Variants in GALNTL6 observed in about 807,000 individuals in gnomAD.
The protein encoded by GALNTL6 is polypeptide N-acetylgalactosaminyltransferase like 6, also known as polypeptide N-acetylgalactosaminyltransferase-like 6.
Under a neutral mutation model 73.7 loss-of-function variants are expected in GALNTL6, and 46 were observed. The observed-to-expected ratio is 0.62, with a 90% CI of 0.49 to 0.80. GALNTL6 has a LOEUF of 0.80. GALNTL6 is among the 30% of genes least tolerant of loss of function. GALNTL6 has a pLI of 0.00. For synonymous variants in GALNTL6, 259 were observed against 263.7 expected (o/e 0.98, Z 0.17); for missense variants, 604 against 755.0 (o/e 0.80, Z 2.34).
rs200191780 is a variant in GALNTL6 at position 172,545,288 on chromosome 4, A to G, written c.553+196599A>G. On this transcript the variant is annotated intron_variant, in intron 5 of 12. Coordinates refer to ENST00000506823, the MANE Select transcript of GALNTL6 (RefSeq NM_001034845.3). ...AGCTAGAAAATTGCCTTATTTCTCT[A>G]CTTTATAATTTCTTTCACTCTGTAA... Among the ~76,000 whole-genome samples, 123 of 152,236 alleles carry G rather than the reference A, an allele frequency of 8.1e-4. 2 individuals carry two copies. In the South Asian group the frequency reaches 0.017, roughly 21 times the overall value.
intron 5 of GALNTL6, among the ~76,000 whole-genome samples, chr4:172,460,782 G>T (rs1009299984): frequency 4.6e-5 from 7 of 152,322 alleles, no homozygotes; most frequent in South Asian, 2.1e-4. Flanking sequence ...ATGTAAATTA[G>T]TTCAACTATT....
At chr4:172,697,460 A>T (rs1344980534) in intron 5 of GALNTL6, among the ~76,000 whole-genome samples, 1 of 152,264 alleles carries the variant, frequency 6.6e-6, no homozygotes, top group Non-Finnish European at 1.5e-5. Flanking sequence ...GAGTATGTTA[A>T]AGTAAGACAA....
At chr4:172,108,002 A>G (rs1579146429) in intron 2 of GALNTL6, among the ~76,000 whole-genome samples, 1 of 152,312 alleles carries the variant, frequency 6.6e-6, no homozygotes, top group Non-Finnish European at 1.5e-5. Flanking sequence ...TAGTAGTTAC[A>G]TAAGTATTCA....
At chr4:172,114,629 C>CA (rs760597739) in intron 2 of GALNTL6, among the ~76,000 whole-genome samples, 1 of 152,012 alleles carries the variant, frequency 6.6e-6, no homozygotes, top group Non-Finnish European at 1.5e-5. Flanking sequence ...TATACGTCGG[C>CA]ACTGTGAGGC....
intron 5 of GALNTL6, among the ~76,000 whole-genome samples, chr4:172,600,400 G>A (rs1237971602): frequency 6.6e-6 from 1 of 152,150 alleles, no homozygotes; most frequent in African/African-American, 2.4e-5. Context: ...TGCAGGAACA[G>A]CAAGACTCAA....
chr4:172,172,624 C>T (rs935842081), intron 2 of GALNTL6, among the ~76,000 whole-genome samples: 1 of 151,960 alleles, frequency 6.6e-6, no homozygotes, highest in Non-Finnish European at 1.5e-5. Context: ...AAGAAATAAC[C>T]TTTTCAACAT....
At chr4:172,355,013 A>G (rs1209198589) in intron 5 of GALNTL6, among the ~76,000 whole-genome samples, 1 of 152,028 alleles carries the variant, frequency 6.6e-6, no homozygotes, top group Non-Finnish European at 1.5e-5. Flanking sequence ...TATTTATTCT[A>G]GTAGAAATCT....
At chr4:172,655,368 C>T (rs1730932950) in intron 5 of GALNTL6, among the ~76,000 whole-genome samples, 1 of 152,154 alleles carries the variant, frequency 6.6e-6, no homozygotes, top group South Asian at 2.1e-4. Flanking sequence ...CCTTTTCCTC[C>T]TTTAAGCTAG....
intron 2 of GALNTL6, among the ~76,000 whole-genome samples, chr4:172,211,262 G>A (rs1246429214): frequency 6.6e-6 from 1 of 152,168 alleles, no homozygotes; most frequent in Non-Finnish European, 1.5e-5. Context: ...ACTGATGTGA[G>A]ATCTAGATGT....
intron 4 of GALNTL6, among the ~76,000 whole-genome samples, chr4:172,329,538 A>G (rs2111178490): frequency 6.6e-6 from 1 of 152,138 alleles, no homozygotes; most frequent in East Asian, 1.9e-4. Context: ...AAAAGTATGA[A>G]CCTGTTGCTT....
intron 3 of GALNTL6, among the ~76,000 whole-genome samples, chr4:172,296,017 A>G (rs1739659981): frequency 1.3e-5 from 2 of 152,164 alleles, no homozygotes. Flanking sequence ...CCAGTTGAAT[A>G]GAAGTATTGA....
chr4:172,160,140 T>TTG (rs201412737), intron 2 of GALNTL6, among the ~76,000 whole-genome samples: 1,813 of 151,490 alleles, frequency 0.012, 21 homozygotes, highest in Non-Finnish European at 0.02. Flanking sequence ...CAATAGGCAG[T>TTG]TGTGTGTGTG....
chr4:171,987,477 G>A (rs568396964), intron 2 of GALNTL6, among the ~76,000 whole-genome samples: 86 of 152,296 alleles, frequency 5.6e-4, no homozygotes, highest in African/African-American at 2.0e-3. Context: ...CCCAACCAGT[G>A]AAAGTGTCTA....
At chr4:172,659,090 A>AGGTAGATACTAT (rs1363254150) in intron 5 of GALNTL6, among the ~76,000 whole-genome samples, 5 of 152,350 alleles carry the variant, frequency 3.3e-5, no homozygotes, top group Non-Finnish European at 5.9e-5. Context: ...GCATCCTATG[A>AGGTAGATACTAT]GGTAGATACT....
At chr4:172,256,096 AAT>A (rs1215958996) in intron 3 of GALNTL6, among the ~76,000 whole-genome samples, 4 of 151,468 alleles carry the variant, frequency 2.6e-5, no homozygotes, top group Non-Finnish European at 5.9e-5. Flanking sequence ...TGCGCATTTA[AAT>A]ATATGTTTCA....
intron 2 of GALNTL6, among the ~76,000 whole-genome samples, chr4:171,867,924 G>A (rs1050371424): frequency 1.3e-5 from 2 of 150,684 alleles, no homozygotes; most frequent in Admixed American, 6.6e-5. Flanking sequence ...TGCTCTTCCT[G>A]TACCTTTCTT....
intron 5 of GALNTL6, among the ~76,000 whole-genome samples, chr4:172,769,662 C>T (rs1041856415): frequency 6.6e-6 from 1 of 152,184 alleles, no homozygotes. Flanking sequence ...AACTAAATCT[C>T]CATTTGCTTT....
At chr4:172,400,883 C>A (rs907090660) in intron 5 of GALNTL6, among the ~76,000 whole-genome samples, 2 of 152,044 alleles carry the variant, frequency 1.3e-5, no homozygotes, top group Non-Finnish European at 1.5e-5. Context: ...ACTGTATGTT[C>A]CTGTTTACTG....
intron 5 of GALNTL6, among the ~76,000 whole-genome samples, chr4:172,418,345 A>G (rs1344969405): frequency 6.6e-6 from 1 of 152,188 alleles, no homozygotes; most frequent in African/African-American, 2.4e-5. Flanking sequence ...CTTGGCCAAT[A>G]TAACTTGTTC....
Sources: gnomAD v4.1 joint callset for allele counts (sites outside exome capture counted in the v4.1 genomes callset) on GRCh38, gnomAD v4.1.1 for gene constraint, MANE v1.5 for transcripts, NCBI Gene and HGNC (gene_info 2026-07-23, HGNC 2026-07-21) for gene names.